The following ABHD3 variants were observed in gnomAD, a reference collection of about 807,000 sequenced individuals.
The protein encoded by ABHD3 is abhydrolase domain containing 3, phospholipase.
ABHD3 carries 46 observed loss-of-function variants against 48.8 expected under a neutral mutation model. The observed-to-expected ratio is 0.94, with a 90% CI of 0.74 to 1.20. The LOEUF is 1.20. Among genes scored for constraint, ABHD3 ranks in the 50% most tolerant of loss-of-function variants. ABHD3 has a pLI of 0.00. For missense variants in ABHD3, 490 were observed against 497.8 expected, an observed-to-expected ratio of 0.98 and a Z score of 0.15; for synonymous variants, 192 against 183.7, an observed-to-expected ratio of 1.04 and a Z score of -0.36.
chr18:21,667,761 A>T (rs1465493440), intron 4 of ABHD3, among the ~76,000 whole-genome samples: 1 of 152,186 alleles, frequency 6.6e-6, no homozygotes, highest in Non-Finnish European at 1.5e-5. Context: ...AGGAAACTGA[A>T]TTTAGAGAGG....
At chr18:21,659,771 C>T (rs543651144) in intron 5 of ABHD3, among the ~76,000 whole-genome samples, 13 of 151,842 alleles carry the variant, frequency 8.6e-5, no homozygotes, top group South Asian at 2.1e-4. Flanking sequence ...CTGGTTCAAG[C>T]GATTATCCTG....
At chr18:21,656,730 CTG>C in intron 8 of ABHD3, 129 bp downstream of exon 8, 1 of 855,092 alleles carries the variant, frequency 1.2e-6, no homozygotes, top group South Asian at 2.1e-5. Flanking sequence ...CATTTAGATA[CTG>C]TGTTATGAGT....
chr18:21,703,526 C>G, intron 2 of ABHD3, 58 bp downstream of exon 2: 1 of 1,568,612 alleles, frequency 6.4e-7, no homozygotes, highest in Non-Finnish European at 8.7e-7. Context: ...AATAAGCAAG[C>G]AAGCAAACAA....
chr18:21,663,788 T>C, intron 5 of ABHD3: 1 of 1,534,416 alleles, frequency 6.5e-7, no homozygotes, highest in Non-Finnish European at 8.7e-7. Flanking sequence ...AGAACGCAGC[T>C]CCAGGGATGG....
At chr18:21,664,035 C>T in intron 5 of ABHD3, 83 bp downstream of exon 5, 1 of 1,482,654 alleles carries the variant, frequency 6.7e-7, no homozygotes, top group South Asian at 1.4e-5. Context: ...AGTGTCCATA[C>T]AGCTAGCTTA....
intron 2 of ABHD3, among the ~76,000 whole-genome samples, chr18:21,703,213 A>ACCCCCCCCCCCCCCCCCCCCCC (rs1225579394): frequency 1.6e-5 from 1 of 61,936 alleles, no homozygotes; most frequent in African/African-American, 6.1e-5. Context: ...CATCCTTCTC[A>ACCCCCCCCCCCCCCCCCCCCCC]CCCCACCCCC....
At chr18:21,658,288 T>TCTTTG (rs2039403336) in intron 6 of ABHD3, among the ~76,000 whole-genome samples, 1 of 152,166 alleles carries the variant, frequency 6.6e-6, no homozygotes, top group African/African-American at 2.4e-5. Flanking sequence ...TTTGGTAGTA[T>TCTTTG]AAGAGCTGTG....
At chr18:21,663,080 G>T (rs1303486493) in intron 5 of ABHD3, among the ~76,000 whole-genome samples, 1 of 152,066 alleles carries the variant, frequency 6.6e-6, no homozygotes, top group East Asian at 1.9e-4. Flanking sequence ...CCATGCTAAT[G>T]GAAGAAATGT....
chr18:21,694,184 C>T (rs945042958), intron 3 of ABHD3, among the ~76,000 whole-genome samples: 3 of 152,140 alleles, frequency 2.0e-5, no homozygotes, highest in Non-Finnish European at 2.9e-5. Context: ...TCTCGGCTCA[C>T]TGCAACCTCT....
chr18:21,681,111 A>G (rs528647116), intron 4 of ABHD3, among the ~76,000 whole-genome samples: 1 of 151,892 alleles, frequency 6.6e-6, no homozygotes, highest in Non-Finnish European at 1.5e-5. Flanking sequence ...CTGAGCTTCA[A>G]CTTCTACCTG....
intron 3 of ABHD3, among the ~76,000 whole-genome samples, chr18:21,694,931 G>A (rs1206502251): frequency 6.6e-6 from 1 of 152,226 alleles, no homozygotes; most frequent in Non-Finnish European, 1.5e-5. Context: ...ACTACTCAGC[G>A]GCACGAGCTG....
rs369417846 is a variant in ABHD3 at position 21,657,041 on chromosome 18, C to T, written c.892-15G>A. 2.5e-6 allele frequency: 4 copies of T among 1,613,858 alleles called. No homozygotes were observed. In the African/African-American group the frequency reaches 5.3e-5, roughly 22 times the overall value. On this transcript the variant is annotated splice_polypyrimidine_tract_variant and intron_variant, in intron 7 of 8. Coordinates refer to ENST00000289119, the MANE Select transcript of ABHD3 (RefSeq NM_138340.5). ...ATGGATTTAGCCTGAAACACAAAAACAAATTATATCTAGTCTTGCCCAAAA... is the reference window on the plus strand; with the variant it reads ...ATGGATTTAGCCTGAAACACAAAAATAAATTATATCTAGTCTTGCCCAAAA...
At chr18:21,670,283 G>C (rs537600450) in intron 4 of ABHD3, among the ~76,000 whole-genome samples, 4 of 152,230 alleles carry the variant, frequency 2.6e-5, no homozygotes, top group East Asian at 3.9e-4. Flanking sequence ...AAGTGCCAAG[G>C]GGGTAAGGAT....
chr18:21,657,027 C>T lies in ABHD3; in HGVS notation c.892-1G>A. On this transcript the variant is annotated splice_acceptor_variant, in intron 7 of 8. Coordinates refer to ENST00000289119, the MANE Select transcript of ABHD3 (RefSeq NM_138340.5). LOFTEE classifies it high-confidence loss of function. ...TATCAAACTCTCTGATGGATTTAGC[C>T]TGAAACACAAAAACAAATTATATCT... The T allele has an allele frequency of 6.2e-7, 1 of 1,613,914 alleles. No homozygotes were observed. The highest frequency in any genetic ancestry group is 8.5e-7 in the Non-Finnish European group (1 of 1,179,952).
intron 1 of ABHD3, 198 bp from the exon 2 acceptor site, chr18:21,703,945 T>G: frequency 1.7e-6 from 1 of 579,862 alleles, no homozygotes; most frequent in East Asian, 2.8e-5. Context: ...AAGGCGAGAA[T>G]CGCGATAAGG....
chr18:21,685,746 G>C (rs2040116470), intron 3 of ABHD3, among the ~76,000 whole-genome samples: 1 of 151,996 alleles, frequency 6.6e-6, no homozygotes, highest in African/African-American at 2.4e-5. Flanking sequence ...CACCCACACT[G>C]GAGTGCAGTG....
At chr18:21,663,412 C>T (rs1006761224) in intron 5 of ABHD3, among the ~76,000 whole-genome samples, 4 of 151,380 alleles carry the variant, frequency 2.6e-5, no homozygotes, top group African/African-American at 4.8e-5. Context: ...TAGTAAAATT[C>T]CCGATAATAA....
Position 21,702,335 on chromosome 18 carries a change from T to C in ABHD3, c.490A>G (p.Ser164Gly). Residue 164 changes from serine (S) to glycine (G), a missense_variant, in exon 3 of 9, where the codon AGT becomes GGT. Physicochemically the swap from Ser to Gly is moderately conservative, Grantham distance 56. Coordinates refer to ENST00000289119, the MANE Select transcript of ABHD3 (RefSeq NM_138340.5). Reference protein sequence around the residue: ...ESYILHMIHLSEELGYRCVVF... With the variant: ...ESYILHMIHLGEELGYRCVVF... ...TGGTACCTGTATCCTAATTCTTCAC[T>C]AAGATGGATCATATGAAGGATATAT... is the stretch of plus-strand genomic sequence containing the variant. 6.3e-7 allele frequency: 1 copy of C among 1,598,518 alleles called. No homozygotes were observed. The highest frequency in any genetic ancestry group is 8.5e-7 in the Non-Finnish European group (1 of 1,171,652).
At chr18:21,692,497 A>G (rs566204880) in intron 3 of ABHD3, among the ~76,000 whole-genome samples, 3 of 151,814 alleles carry the variant, frequency 2.0e-5, no homozygotes, top group Non-Finnish European at 2.9e-5. Flanking sequence ...CTTGCTGATC[A>G]TAAGTTCTAA....
Sources: allele counts gnomAD v4.1 joint callset (sites outside exome capture counted in the v4.1 genomes callset), GRCh38; gene constraint gnomAD v4.1.1; transcripts MANE v1.5; gene names NCBI Gene and HGNC (gene_info 2026-07-23, HGNC 2026-07-21).